Variants in ABL1 observed in about 807,000 individuals in gnomAD.
The protein encoded by ABL1 is ABL proto-oncogene 1, non-receptor tyrosine kinase, also known as tyrosine-protein kinase ABL1.
A neutral mutation model predicts 94.7 loss-of-function variants in ABL1; 11 were observed. The ratio of observed to expected loss-of-function variants is 0.12; its 90% CI spans 0.07 to 0.19. ABL1 has a LOEUF of 0.19. Among genes scored for constraint, ABL1 ranks in the 10% least tolerant of loss-of-function variants. ABL1 has a pLI of 1.00. For synonymous variants in ABL1, 656 were observed against 622.4 expected, an observed-to-expected ratio of 1.05 and a Z score of -0.80; for missense variants, 1,082 against 1,489.4, an observed-to-expected ratio of 0.73 and a Z score of 4.50.
intron 1 of ABL1, among the ~76,000 whole-genome samples, chr9:130,806,809 G>A (rs1830132362): frequency 6.6e-6 from 1 of 151,954 alleles, no homozygotes; most frequent in Non-Finnish European, 1.5e-5. Context: ...AATATGTCTT[G>A]GATACATTTT....
chr9:130,790,330 G>A (rs1164791720), intron 1 of ABL1, among the ~76,000 whole-genome samples: 2 of 152,154 alleles, frequency 1.3e-5, no homozygotes, highest in Non-Finnish European at 2.9e-5. Flanking sequence ...ATGCTGTGAG[G>A]GGCCTCATGC....
Position 130,886,438 on chromosome 9 carries a change from T to C in ABL1, c.*755T>C, listed in dbSNP as rs1313382224. The C allele has an allele frequency of 3.9e-5, 9 of 233,536 alleles. No individual in the cohort carries two copies. Among genetic ancestry groups the C allele is most frequent in the Non-Finnish European group, 7.6e-5 (9 of 118,068 alleles). 14.5% of individuals were successfully genotyped at this position (233,536 alleles called of 1,614,324 possible). ...CCCCAGAGCCCAGCTCTTGCTCTCTTGTGACGTGCACTGTGAATCCTGGCA... is the reference window on the plus strand; with the variant it reads ...CCCCAGAGCCCAGCTCTTGCTCTCTCGTGACGTGCACTGTGAATCCTGGCA... On this transcript the variant is annotated 3_prime_UTR_variant, in exon 11 of 11. Coordinates refer to ENST00000318560, the MANE Select transcript of ABL1 (RefSeq NM_005157.6).
chr9:130,750,426 TCCC>T (rs1564278796), intron 1 of ABL1, among the ~76,000 whole-genome samples: 7 of 50,778 alleles, frequency 1.4e-4, no homozygotes, highest in Middle Eastern at 0.025. Context: ...CCTCCCTCCC[TCCC>T]TCCCTCCCTC....
At chr9:130,755,799 C>T (rs558885947) in intron 1 of ABL1, among the ~76,000 whole-genome samples, 7 of 152,160 alleles carry the variant, frequency 4.6e-5, no homozygotes, top group Non-Finnish European at 8.8e-5. Flanking sequence ...GGCAGTCTGC[C>T]GCTCTTCCTG....
chr9:130,856,707 T>C (rs1191919449), intron 3 of ABL1, among the ~76,000 whole-genome samples: 1 of 152,202 alleles, frequency 6.6e-6, no homozygotes, highest in Admixed American at 6.5e-5. Flanking sequence ...ATGTGGATGT[T>C]TATATTCAAA....
At position 130,855,205 on chromosome 9, in the gene ABL1, A is replaced by G. The variant is rs142017217; in HGVS notation, c.549+109A>G. 1.5e-5 allele frequency: 20 copies of G among 1,308,988 alleles called. No homozygotes were observed. In the East Asian group the frequency reaches 4.2e-4, roughly 27 times the overall value. 81.1% of individuals were successfully genotyped at this position (1,308,988 alleles called of 1,614,324 possible). On this transcript the variant is annotated intron_variant, in intron 3 of 10. Transcript: ENST00000318560. ...AGAAAGCTCAACCAAGAAGATGTTT[A>G]AAGAATCTTTCAGGTGGGAGTCATT...
intron 1 of ABL1, among the ~76,000 whole-genome samples, chr9:130,762,011 C>T (rs1038186949): frequency 1.3e-5 from 2 of 151,952 alleles, no homozygotes; most frequent in African/African-American, 2.4e-5. Flanking sequence ...GGCTTGCTGG[C>T]GCGTGCCTGT....
At chr9:130,774,313 C>T (rs890970452) in intron 1 of ABL1, among the ~76,000 whole-genome samples, 12 of 152,032 alleles carry the variant, frequency 7.9e-5, no homozygotes, top group Admixed American at 7.9e-4. Flanking sequence ...CTTTCTTTTC[C>T]TTTGGGTAAA....
intron 1 of ABL1, among the ~76,000 whole-genome samples, chr9:130,770,677 T>G (rs1397521257): frequency 6.6e-6 from 1 of 152,258 alleles, no homozygotes; most frequent in Non-Finnish European, 1.5e-5. Context: ...TTTCAAATAT[T>G]TAAAAGTGCT....
intron 1 of ABL1, chr9:130,725,030 C>G (rs80005896): frequency 4.4e-6 from 1 of 226,806 alleles, no homozygotes; most frequent in Non-Finnish European, 9.3e-6. Flanking sequence ...GCTTTTCAAA[C>G]GATAACGTTC....
At chr9:130,714,438 A>T in exon 1 of ABL1, 12 of 1,614,174 alleles carry the variant, frequency 7.4e-6, no homozygotes, top group Non-Finnish European at 1.0e-5. Flanking sequence ...CCACACTGCA[A>T]TGTTTTTGTG....
At chr9:130,714,047 G>C in exon 1 of ABL1, 2 of 341,650 alleles carry the variant, frequency 5.9e-6, no homozygotes, top group Non-Finnish European at 5.3e-6. Context: ...TATTCAGCCC[G>C]TTTAAAACAA....
chr9:130,798,764 T>G (rs1284063547), intron 1 of ABL1, among the ~76,000 whole-genome samples: 1 of 151,884 alleles, frequency 6.6e-6, no homozygotes, highest in Admixed American at 6.6e-5. Flanking sequence ...GTCAGGAGTT[T>G]GAGACCAACC....
intron 1 of ABL1, among the ~76,000 whole-genome samples, chr9:130,737,090 C>T (rs902632293): frequency 7.2e-5 from 11 of 151,898 alleles, no homozygotes; most frequent in African/African-American, 2.7e-4. Flanking sequence ...GCCTAAGTAT[C>T]AGTTTTTTTG....
chr9:130,885,319 T>C lies in ABL1; in HGVS notation c.3029T>C (p.Val1010Ala), dbSNP rs2133039755. Residue 1010 changes from valine to alanine, a missense_variant, in exon 11 of 11, where the codon GTG becomes GCG. Around this residue, in one of 7 missense-constraint regions of ABL1, gnomAD observed 780 missense variants for 835.8 expected, o/e 0.93. Transcript: ENST00000318560. The stretch of plus-strand genomic sequence containing the variant: ...TTCATCCCTCTCATATCAACCCGAG[T>C]GTCTCTTCGGAAAACCCGCCAGCCT... Reference protein sequence around the residue: ...TAFIPLISTRVSLRKTRQPPE... With the variant: ...TAFIPLISTRASLRKTRQPPE... The C allele has an allele frequency of 6.2e-7, 1 of 1,613,546 alleles. No individual in the cohort carries two copies. Among genetic ancestry groups the C allele is most frequent in the South Asian group, 1.1e-5 (1 of 91,076 alleles).
rs1358948878 is a variant in ABL1, at chr9:130,885,892, C to A, written c.*209C>A. The A allele has an allele frequency of 3.2e-6, 2 of 633,046 alleles. No individual in the cohort carries two copies. Among genetic ancestry groups the A allele is most frequent in the Non-Finnish European group, 5.3e-6 (2 of 378,996 alleles). The allele number at this position is 633,046 out of a possible 1,614,324, so 39.2% of individuals were successfully genotyped here. On this transcript the variant is annotated 3_prime_UTR_variant, in exon 11 of 11. Coordinates refer to ENST00000318560, the MANE Select transcript of ABL1 (RefSeq NM_005157.6). The stretch of plus-strand genomic sequence containing the variant: ...CCCTCCCGCACCTTCCTCCTCCCCG[C>A]TCCGTCTCTGTCCTCGAATTTTATC...
At chr9:130,804,295 CT>C (rs11327838) in intron 1 of ABL1, among the ~76,000 whole-genome samples, 37,744 of 151,816 alleles carry the variant, frequency 0.25, 6,133 homozygotes, top group African/African-American at 0.47. Flanking sequence ...GGAGGCGGAT[CT>C]CGGCAGTGAG....
upstream of ABL1, among the ~76,000 whole-genome samples, chr9:130,831,917 T>A (rs1253676223): frequency 1.3e-5 from 2 of 152,060 alleles, no homozygotes; most frequent in Non-Finnish European, 1.5e-5. Context: ...CCCCAAACAG[T>A]GGATTTCCAT....
intron 7 of ABL1, among the ~76,000 whole-genome samples, chr9:130,876,837 C>T (rs1412922402): frequency 2.1e-5 from 3 of 140,672 alleles, no homozygotes; most frequent in Non-Finnish European, 3.1e-5. Context: ...TCCGGGTTCA[C>T]GTCATTCTCC....
Sources: gnomAD v4.1 joint callset for allele counts (sites outside exome capture counted in the v4.1 genomes callset) on GRCh38, gnomAD v4.1.1 for gene constraint, gnomAD v4.1.1 regional missense constraint, MANE v1.5 for transcripts, NCBI Gene and HGNC (gene_info 2026-07-23, HGNC 2026-07-21) for gene names.